TSR3: variants seen among roughly 807,000 people sequenced by gnomAD.
TSR3 encodes the protein 18S rRNA aminocarboxypropyltransferase.
A neutral mutation model predicts 28.1 loss-of-function variants in TSR3; 31 were observed. The ratio of observed to expected loss-of-function variants is 1.10; its 90% CI spans 0.83 to 1.49. TSR3 has a LOEUF of 1.49. TSR3 is among the 40% of genes most tolerant of loss of function. The pLI is 0.00. For missense variants in TSR3, 511 were observed against 444.0 expected (o/e 1.15, Z -1.36); for synonymous variants, 219 against 197.2 (o/e 1.11, Z -0.93).
At position 1,351,321 on chromosome 16, in the gene TSR3, C is replaced by T. The variant is rs1567179012; in HGVS notation, c.332+58G>A. The T allele has an allele frequency of 3.3e-6, 5 of 1,523,948 alleles. No individual in the cohort carries two copies. The South Asian group carries it at 3.7e-5, about 11-fold the overall frequency. The allele number at this position is 1,523,948 out of a possible 1,614,324, so 94.4% of individuals were successfully genotyped here. On this transcript the variant is annotated intron_variant, in intron 2 of 5. Transcript: ENST00000007390. The stretch of plus-strand genomic sequence containing the variant: ...ACATACAAGTGCCACTAAACCATCC[C>T]TGAAGGGAACCACGCGCTGGAAATG...
Position 1,350,906 on chromosome 16 carries a change from G to A in TSR3, c.427C>T (p.Arg143Cys), listed in dbSNP as rs200823810. Residue 143 changes from arginine (R) to cysteine (C), a missense_variant, in exon 3 of 6, where the codon CGC becomes TGC. Arg to Cys is a radical substitution (Grantham distance 180). Coordinates refer to ENST00000007390, the MANE Select transcript of TSR3 (RefSeq NM_001001410.3). ...GCGGCCACCAGGTAGGGCAACAGGC[G>A]CAAGTGGCTCCCTCGCATCTTCCCA... ...PFGKMRGSHLRLLPYLVAANP... is the reference protein window; with the variant it reads ...PFGKMRGSHLCLLPYLVAANP... 5.6e-6 allele frequency: 9 copies of A among 1,612,876 alleles called. No homozygotes were observed. Among genetic ancestry groups the A allele is most frequent in the South Asian group, 5.5e-5 (5 of 91,086 alleles).
chr16:1,351,456 G>A lies in TSR3; in HGVS notation c.255C>T (p.Arg85=). 1 of 1,592,366 alleles carries A rather than the reference G, an allele frequency of 6.3e-7. No individual in the cohort carries two copies. Reference sequence around the variant, plus strand: ...CGAATCTGTGGCCCAGGCGCAGGCAGCGCACCAGCCCCAGGCGGGCCAGCT... The same window carrying A: ...CGAATCTGTGGCCCAGGCGCAGGCAACGCACCAGCCCCAGGCGGGCCAGCT... The part of the protein sequence containing the change: ...GRKLARLGLV[R]CLRLGHRFGG... The change falls in exon 2 of 6, where the codon CGC becomes CGT. Residue 85 remains arginine (R), a synonymous_variant. Coordinates refer to ENST00000007390, the MANE Select transcript of TSR3 (RefSeq NM_001001410.3).
chr16:1,351,785 G>A lies in TSR3; in HGVS notation c.20C>T (p.Ala7Val). The change falls in exon 1 of 6, where the codon GCG (alanine) becomes GTG (valine). Residue 7 changes from alanine to valine, a missense_variant. Ala to Val is a moderately conservative substitution (Grantham distance 64). Coordinates refer to ENST00000007390, the MANE Select transcript of TSR3 (RefSeq NM_001001410.3). Reference sequence around the variant, plus strand: ...GCCGCCTTCCGCCCCCGGCCCGCGCGCTGCCCTCCTGCGGCCCATGGCGCG... The same window carrying A: ...GCCGCCTTCCGCCCCCGGCCCGCGCACTGCCCTCCTGCGGCCCATGGCGCG... Reference protein sequence around the residue: MGRRRAARGPGAEGGRP... With the variant: MGRRRAVRGPGAEGGRP... 1 of 1,338,706 alleles carries A rather than the reference G, an allele frequency of 7.5e-7. No individual in the cohort carries two copies. The highest frequency in any genetic ancestry group is 1.5e-5 in the African/African-American group (1 of 64,720). 82.9% of individuals were successfully genotyped at this position (1,338,706 alleles called of 1,614,324 possible).
chr16:1,350,263 AG>A (rs753504103), intron 3 of TSR3, 29 bp from the exon 4 acceptor site: 1 of 1,563,498 alleles, frequency 6.4e-7, no homozygotes, highest in Admixed American at 1.8e-5. Context: ...GGAAACCCAA[AG>A]AAGTCGACGG....
chr16:1,351,037 C>G, intron 2 of TSR3, 37 bp from the exon 3 acceptor site: 2 of 1,599,112 alleles, frequency 1.3e-6, no homozygotes, highest in Middle Eastern at 2.1e-4. Flanking sequence ...CAGGAGCCAG[C>G]ACTACCCAAG....
intron 3 of TSR3, among the ~76,000 whole-genome samples, chr16:1,350,535 A>G (rs984406786): frequency 3.3e-5 from 5 of 152,108 alleles, no homozygotes; most frequent in African/African-American, 1.2e-4. Context: ...CGTGGAGGAT[A>G]AGGAGGATTC....
intron 2 of TSR3, 59 bp from the exon 3 acceptor site, chr16:1,351,059 C>T: frequency 1.9e-6 from 3 of 1,543,278 alleles, no homozygotes; most frequent in South Asian, 1.1e-5. Flanking sequence ...TGGAGCATGC[C>T]CCGGAGAATG....
intron 3 of TSR3, 86 bp downstream of exon 3, chr16:1,350,721 G>T: frequency 6.9e-7 from 1 of 1,453,572 alleles, no homozygotes; most frequent in Non-Finnish European, 9.5e-7. Context: ...CTCCTCCTGG[G>T]GTCTGTCGGC....
rs368503649 is a variant in TSR3 at position 1,350,903 on chromosome 16, G to A, written c.430C>T (p.Leu144=). 6.2e-7 allele frequency: 1 copy of A among 1,613,034 alleles called. No homozygotes were observed. The highest frequency in any genetic ancestry group is 8.5e-7 in the Non-Finnish European group (1 of 1,180,016). ...TTGGCGGCCACCAGGTAGGGCAACA[G>A]GCGCAAGTGGCTCCCTCGCATCTTC... ...FGKMRGSHLR[L]LPYLVAANPV... is the part of the protein sequence containing the mutation. Residue 144 remains leucine, a synonymous_variant, in exon 3 of 6, where the codon CTG becomes TTG. Transcript: ENST00000007390.
At chr16:1,351,649 G>A in intron 1 of TSR3, 44 bp downstream of exon 1, 1 of 1,429,066 alleles carries the variant, frequency 7.0e-7, no homozygotes. Flanking sequence ...CCCCCGGGCA[G>A]GCCCTCAAAC....
At chr16:1,349,708 T>C in intron 5 of TSR3, 100 bp from the exon 6 acceptor site, 4 of 1,430,532 alleles carry the variant, frequency 2.8e-6, no homozygotes, top group Non-Finnish European at 3.8e-6. Flanking sequence ...CAGATTCCTC[T>C]TCCTCCCTGT....
In TSR3 at chr16:1,349,483, G is replaced by T. The variant is rs538505038; in HGVS notation, c.893C>A (p.Ala298Asp). ...GATTCCTTTCCAAACCTCAGCCGGG[G>T]CCCTGGCCTCAGCCCCCCGTCCCTG... is the stretch of plus-strand genomic sequence containing the variant. ...QTQGRGAEAR[A>D]PAEVWKGIKK... The change falls in exon 6 of 6, where the codon GCC becomes GAC. Residue 298 changes from alanine (A) to aspartate (D), a missense_variant. By Grantham distance (126) the Ala-to-Asp change is moderately radical. Transcript: ENST00000007390. 63 of 1,613,736 alleles carry T rather than the reference G, an allele frequency of 3.9e-5. No homozygotes were observed. In the South Asian group the frequency reaches 6.7e-4, roughly 17 times the overall value.
At chr16:1,351,315 C>T in intron 2 of TSR3, 64 bp downstream of exon 2, 1 of 1,491,300 alleles carries the variant, frequency 6.7e-7, no homozygotes, top group Non-Finnish European at 9.0e-7. Flanking sequence ...TGCCACTAAA[C>T]CATCCCTGAA....
At chr16:1,349,822 G>A (rs2034619065) in intron 5 of TSR3, 67 bp downstream of exon 5, 4 of 1,583,600 alleles carry the variant, frequency 2.5e-6, no homozygotes, top group Non-Finnish European at 3.5e-6. Context: ...CAGCAGGAAG[G>A]GCTCAGGCCA....
chr16:1,350,299 C>A, intron 3 of TSR3, 65 bp from the exon 4 acceptor site: 1 of 1,501,590 alleles, frequency 6.7e-7, no homozygotes, highest in South Asian at 1.2e-5. Flanking sequence ...TCCTGATCAC[C>A]CTGCTGCCGG....
rs751379846 is a variant in TSR3 at position 1,351,020 on chromosome 16, A to T, written c.333-20T>A. 3.7e-6 allele frequency: 6 copies of T among 1,609,400 alleles called. No homozygotes were observed. On this transcript the variant is annotated intron_variant, in intron 2 of 5. Coordinates refer to ENST00000007390, the MANE Select transcript of TSR3 (RefSeq NM_001001410.3). ...AGCTGTCTGCCAGGGACAGCATGGG[A>T]TAAGTTCAGGAGCCAGCACTACCCA...
At position 1,349,612 on chromosome 16, in the gene TSR3, G is replaced by A; in HGVS notation, c.768-4C>T. The A allele has an allele frequency of 6.3e-7, 1 of 1,586,302 alleles. No individual in the cohort carries two copies. Among genetic ancestry groups the A allele is most frequent in the Non-Finnish European group, 8.6e-7 (1 of 1,165,534 alleles). ...GTCATCAGTGTCCGAGGGCAGCCTG[G>A]GAGAGGAGGGGGAGCACGTTCCCAA... On this transcript the variant is annotated splice_polypyrimidine_tract_variant and splice_region_variant and intron_variant, in intron 5 of 5. Transcript: ENST00000007390.
At chr16:1,349,719 G>A in intron 5 of TSR3, 111 bp from the exon 6 acceptor site, 1 of 1,408,154 alleles carries the variant, frequency 7.1e-7, no homozygotes, top group Non-Finnish European at 9.6e-7. Flanking sequence ...TCCTCCCTGT[G>A]CTCTCCACAC....
In TSR3 at chr16:1,350,247, G is replaced by C. The variant is rs758781838; in HGVS notation, c.527-13C>G. ...AGGTCTGGAAAGCCTGACGGTGTGAGAAACAGGAAACCCAAAGAAGTCGAC... is the reference window on the plus strand; with the variant it reads ...AGGTCTGGAAAGCCTGACGGTGTGACAAACAGGAAACCCAAAGAAGTCGAC... On this transcript the variant is annotated splice_polypyrimidine_tract_variant and intron_variant, in intron 3 of 5. Transcript: ENST00000007390. 1 of 1,573,688 alleles carries C rather than the reference G, an allele frequency of 6.4e-7. No individual in the cohort carries two copies. The highest frequency in any genetic ancestry group is 8.6e-7 in the Non-Finnish European group (1 of 1,164,210).
Sources: allele counts gnomAD v4.1 joint callset (sites outside exome capture counted in the v4.1 genomes callset), GRCh38; gene constraint gnomAD v4.1.1; transcripts MANE v1.5; gene names NCBI Gene and HGNC (gene_info 2026-07-23, HGNC 2026-07-21).